The following CDK7 variants were observed in gnomAD, a reference collection of about 807,000 sequenced individuals.
CDK7 encodes cyclin-dependent kinase 7.
In CDK7, 25 loss-of-function variants were observed where a neutral mutation model predicts 49.1. The observed-to-expected ratio is 0.51, with a 90% CI of 0.37 to 0.71. The LOEUF (loss-of-function observed/expected upper bound fraction) is 0.71. Ranked by LOEUF, CDK7 falls within the 30% of genes least tolerant of loss-of-function variation. The pLI is 0.00. For missense variants in CDK7, 316 were observed against 411.7 expected, an observed-to-expected ratio of 0.77 and a Z score of 2.01; for synonymous variants, 107 against 140.0, an observed-to-expected ratio of 0.76 and a Z score of 1.67.
At chr5:69,275,276 T>C (rs1471226010) in intron 10 of CDK7, among the ~76,000 whole-genome samples, 1 of 152,178 alleles carries the variant, frequency 6.6e-6, no homozygotes, top group Non-Finnish European at 1.5e-5. Context: ...TTTCTGTCCA[T>C]TTGCAATGGA....
intron 9 of CDK7, among the ~76,000 whole-genome samples, chr5:69,270,957 A>G (rs1223843549): frequency 2.0e-5 from 3 of 152,192 alleles, no homozygotes; most frequent in African/African-American, 7.2e-5. Context: ...TTTTTATATA[A>G]GAATATATTT....
intron 2 of CDK7, among the ~76,000 whole-genome samples, chr5:69,241,305 A>G (rs1162570525): frequency 1.2e-4 from 15 of 122,646 alleles, no homozygotes; most frequent in African/African-American, 4.8e-4. Context: ...CTCTCATTGT[A>G]GGTTTTTTCT....
chr5:69,267,627 A>G (rs535908948), intron 8 of CDK7, among the ~76,000 whole-genome samples: 2 of 152,256 alleles, frequency 1.3e-5, no homozygotes, highest in Non-Finnish European at 1.5e-5. Flanking sequence ...CATAACCACA[A>G]TACCATTGTC....
At chr5:69,265,195 G>A (rs1401555913) in intron 8 of CDK7, among the ~76,000 whole-genome samples, 1 of 151,838 alleles carries the variant, frequency 6.6e-6, no homozygotes, top group Non-Finnish European at 1.5e-5. Context: ...AACCTGGGAG[G>A]TAGAGCTTGC....
intron 5 of CDK7, 198 bp downstream of exon 5, chr5:69,255,726 CA>C: frequency 1.7e-6 from 1 of 571,518 alleles, no homozygotes; most frequent in South Asian, 2.0e-5. Flanking sequence ...GTGTTACATA[CA>C]AAGATTTGGA....
intron 11 of CDK7, 52 bp from the exon 12 acceptor site, chr5:69,277,055 A>G: frequency 6.7e-7 from 1 of 1,489,088 alleles, no homozygotes; most frequent in Non-Finnish European, 9.2e-7. Flanking sequence ...GAGAATGTGA[A>G]CTTTGTTAAA....
intron 8 of CDK7, among the ~76,000 whole-genome samples, chr5:69,262,846 A>C (rs964833708): frequency 6.6e-6 from 1 of 152,194 alleles, no homozygotes. Flanking sequence ...TAGAAGTTTT[A>C]TACTTCAGAA....
chr5:69,251,228 G>GGA (rs1750122593), intron 2 of CDK7, among the ~76,000 whole-genome samples: 1 of 151,822 alleles, frequency 6.6e-6, no homozygotes, highest in Non-Finnish European at 1.5e-5. Flanking sequence ...CTCCCAAGTA[G>GGA]CTGGGACTAC....
At chr5:69,267,667 A>C (rs141997687) in intron 8 of CDK7, among the ~76,000 whole-genome samples, 345 of 138,644 alleles carry the variant, frequency 2.5e-3, no homozygotes, top group Middle Eastern at 0.011. Context: ...TAATTCCTTA[A>C]TAAAATCAAG....
intron 9 of CDK7, among the ~76,000 whole-genome samples, chr5:69,272,460 C>G (rs762504710): frequency 1.3e-5 from 2 of 152,108 alleles, no homozygotes; most frequent in Non-Finnish European, 2.9e-5. Context: ...ATTAGACTTG[C>G]AAATCAATTT....
At chr5:69,236,789 C>T (rs1475608405) in intron 2 of CDK7, among the ~76,000 whole-genome samples, 1 of 151,512 alleles carries the variant, frequency 6.6e-6, no homozygotes, top group Non-Finnish European at 1.5e-5. Flanking sequence ...GTAGCTGGGA[C>T]TACAGGAACC....
At chr5:69,246,843 C>T (rs1043967529) in intron 2 of CDK7, among the ~76,000 whole-genome samples, 8 of 151,922 alleles carry the variant, frequency 5.3e-5, no homozygotes, top group African/African-American at 1.9e-4. Flanking sequence ...TCTTCTTCAT[C>T]TGTCCATTGA....
At chr5:69,260,159 C>G (rs1750726139) in intron 7 of CDK7, among the ~76,000 whole-genome samples, 1 of 152,150 alleles carries the variant, frequency 6.6e-6, no homozygotes, top group African/African-American at 2.4e-5. Context: ...ACCAGCCTGG[C>G]CAACATGGTG....
At chr5:69,269,497 T>C (rs1751385688) in intron 9 of CDK7, among the ~76,000 whole-genome samples, 1 of 152,128 alleles carries the variant, frequency 6.6e-6, no homozygotes, top group South Asian at 2.1e-4. Flanking sequence ...TGTAGTCCTT[T>C]CCCCCCACCC....
Position 69,273,016 on chromosome 5 carries a change from C to G in CDK7, c.839C>G (p.Pro280Arg). 1 of 1,560,690 alleles carries G rather than the reference C, an allele frequency of 6.4e-7. No individual in the cohort carries two copies. Among genetic ancestry groups the G allele is most frequent in the Non-Finnish European group, 8.7e-7 (1 of 1,148,846 alleles). ...DLIQGLFLFN[P>R]CARITATQAL... is the part of the protein sequence containing the mutation. ...ATACAAGGCTTATTCTTATTTAATC[C>G]ATGTGCTCGAATTACGGCCACACAG... Residue 280 changes from proline to arginine, a missense_variant, in exon 10 of 12, where the codon CCA becomes CGA. By Grantham distance (103) the Pro-to-Arg change is moderately radical (BLOSUM62 -2). Transcript: ENST00000256443.
chr5:69,259,257 T>C (rs543928808), intron 6 of CDK7, among the ~76,000 whole-genome samples: 49 of 152,096 alleles, frequency 3.2e-4, no homozygotes, highest in Non-Finnish European at 6.6e-4. Context: ...GTTTATGAAA[T>C]AGTGGGAACA....
At chr5:69,254,565 C>A (rs753329697) in intron 3 of CDK7, 37 bp from the exon 4 acceptor site, 34 of 883,484 alleles carry the variant, frequency 3.8e-5, no homozygotes, top group Admixed American at 1.7e-4. Context: ...TTTGAGATTT[C>A]AGAATTATTC....
intron 8 of CDK7, among the ~76,000 whole-genome samples, chr5:69,265,871 C>T (rs1751120102): frequency 6.6e-6 from 1 of 151,634 alleles, no homozygotes; most frequent in African/African-American, 2.4e-5. Flanking sequence ...TATCGTGCCA[C>T]ATCACTCCAG....
chr5:69,235,989 C>T (rs1748947715), intron 2 of CDK7, among the ~76,000 whole-genome samples: 1 of 152,182 alleles, frequency 6.6e-6, no homozygotes. Flanking sequence ...GCCTGTAATC[C>T]CAGCACTTTG....
Sources: allele counts gnomAD v4.1 joint callset (sites outside exome capture counted in the v4.1 genomes callset), GRCh38; gene constraint gnomAD v4.1.1; transcripts MANE v1.5; gene names NCBI Gene and HGNC (gene_info 2026-07-23, HGNC 2026-07-21).